The following LRRC3B variants were observed in gnomAD, a reference collection of about 807,000 sequenced individuals.
LRRC3B encodes the protein leucine rich repeat containing 3B, also known as leucine-rich repeat-containing protein 3B.
A neutral mutation model predicts 12.8 loss-of-function variants in LRRC3B; 2 were observed. That is an observed-to-expected ratio of 0.16 (90% CI 0.06 to 0.49). The LOEUF is 0.49. Ranked by LOEUF, LRRC3B falls within the 20% of genes least tolerant of loss-of-function variation. The probability of loss-of-function intolerance (pLI) is 0.96; values close to 1 mark genes in which losing one functional copy is unlikely to be tolerated. For missense variants in LRRC3B, 189 were observed against 319.4 expected (o/e 0.59, Z 3.11); for synonymous variants, 132 against 122.0 (o/e 1.08, Z -0.54).
intron 1 of LRRC3B, among the ~76,000 whole-genome samples, chr3:26,640,154 C>G (rs1001495610): frequency 6.6e-6 from 1 of 152,088 alleles, no homozygotes; most frequent in Non-Finnish European, 1.5e-5. Flanking sequence ...TCCCTTTACT[C>G]TCCCCACTAA....
intron 1 of LRRC3B, among the ~76,000 whole-genome samples, chr3:26,629,364 G>A (rs1265008960): frequency 6.6e-6 from 1 of 152,156 alleles, no homozygotes. Flanking sequence ...ACGTCCTCTG[G>A]CGAGGACAGT....
chr3:26,659,485 T>C (rs1041702653), intron 1 of LRRC3B, among the ~76,000 whole-genome samples: 1 of 152,216 alleles, frequency 6.6e-6, no homozygotes, highest in African/African-American at 2.4e-5. Flanking sequence ...ATATGAAAGT[T>C]TATAAGTGAT....
At chr3:26,658,944 A>G (rs1699434758) in intron 1 of LRRC3B, among the ~76,000 whole-genome samples, 1 of 152,226 alleles carries the variant, frequency 6.6e-6, no homozygotes, top group Non-Finnish European at 1.5e-5. Flanking sequence ...ATCTGCAGAC[A>G]ATTAAGGATC....
intron 1 of LRRC3B, among the ~76,000 whole-genome samples, chr3:26,709,248 G>C (rs1296849540): frequency 6.6e-6 from 1 of 152,150 alleles, no homozygotes; most frequent in Non-Finnish European, 1.5e-5. Context: ...GAGAAATAGG[G>C]AGTATTTGTT....
intron 1 of LRRC3B, among the ~76,000 whole-genome samples, chr3:26,639,850 G>A (rs1277813142): frequency 6.6e-6 from 1 of 152,020 alleles, no homozygotes. Flanking sequence ...ATCCTTTTGT[G>A]TGACCCTTCC....
chr3:26,669,800 C>T (rs1817789), intron 1 of LRRC3B, among the ~76,000 whole-genome samples: 30,272 of 152,100 alleles, frequency 0.2, 3,396 homozygotes, highest in Admixed American at 0.3. Flanking sequence ...CATGTGCTAA[C>T]AGATACCCCT....
chr3:26,638,910 T>G (rs1698960804), intron 1 of LRRC3B, among the ~76,000 whole-genome samples: 1 of 152,146 alleles, frequency 6.6e-6, no homozygotes, highest in South Asian at 2.1e-4. Context: ...TCCTAAGGAT[T>G]TTTTTGGAAG....
chr3:26,685,564 T>C (rs1251652034), intron 1 of LRRC3B, among the ~76,000 whole-genome samples: 1 of 134,162 alleles, frequency 7.5e-6, no homozygotes, highest in East Asian at 2.3e-4. Context: ...TATATTCACA[T>C]ATATTCTTCA....
chr3:26,660,012 C>A (rs1321064834), intron 1 of LRRC3B, among the ~76,000 whole-genome samples: 1 of 152,200 alleles, frequency 6.6e-6, no homozygotes, highest in African/African-American at 2.4e-5. Context: ...TCTGCAAAAA[C>A]CCTCACTTTG....
In LRRC3B at chr3:26,646,598, TAAAAAAAAAAAAAAAAAAAAA is replaced by T. The variant is rs529066996; in HGVS notation, c.-161+23379_-161+23399del. Among the ~76,000 whole-genome samples the T allele has an allele frequency of 2.9e-4, 29 of 99,650 alleles. No homozygotes were observed. In the South Asian group the frequency reaches 3.7e-3, roughly 13 times the overall value. 65.4% of individuals were successfully genotyped at this position (99,650 alleles called of 152,430 possible). A position where few individuals can be genotyped will look rare whatever the true frequency, so the allele number is the denominator to read the frequency against. ...CCCAGAGGCCACTAAGGATAGGAGG[TAAAAAAAAAAAAAAAAAAAAA>T]AAAAAAAAAAAAAAAAACGGATTTT... On this transcript the variant is annotated intron_variant, in intron 1 of 1. Transcript: ENST00000396641.
chr3:26,690,460 G>T (rs3912762), intron 1 of LRRC3B, among the ~76,000 whole-genome samples: 3 of 152,164 alleles, frequency 2.0e-5, no homozygotes, highest in African/African-American at 7.2e-5. Context: ...TGAGCAAGGA[G>T]ACAGGGGAAG....
At chr3:26,688,045 G>A (rs1179785810) in intron 1 of LRRC3B, among the ~76,000 whole-genome samples, 1 of 152,144 alleles carries the variant, frequency 6.6e-6, no homozygotes, top group African/African-American at 2.4e-5. Flanking sequence ...TACATCAGAA[G>A]GAGGCTCAGG....
intron 1 of LRRC3B, among the ~76,000 whole-genome samples, chr3:26,683,284 A>G (rs997857980): frequency 1.3e-5 from 2 of 152,204 alleles, no homozygotes; most frequent in African/African-American, 2.4e-5. Flanking sequence ...TTATAGGACC[A>G]CTTTACTACA....
At chr3:26,657,926 G>C (rs1454278281) in intron 1 of LRRC3B, among the ~76,000 whole-genome samples, 2 of 152,148 alleles carry the variant, frequency 1.3e-5, no homozygotes, top group Non-Finnish European at 2.9e-5. Flanking sequence ...TAAATACCAA[G>C]AGATATAAGA....
At chr3:26,699,592 A>T (rs901756381) in intron 1 of LRRC3B, among the ~76,000 whole-genome samples, 2 of 152,222 alleles carry the variant, frequency 1.3e-5, no homozygotes, top group East Asian at 1.9e-4. Context: ...ATATGTTTTT[A>T]AAAAAATTGT....
chr3:26,651,627 A>G (rs1699266719), intron 1 of LRRC3B, among the ~76,000 whole-genome samples: 1 of 152,108 alleles, frequency 6.6e-6, no homozygotes, highest in African/African-American at 2.4e-5. Context: ...GAATGAATGA[A>G]GTGTAGTAAC....
chr3:26,663,655 C>T (rs919503493), intron 1 of LRRC3B, among the ~76,000 whole-genome samples: 8 of 151,990 alleles, frequency 5.3e-5, no homozygotes, highest in African/African-American at 1.5e-4. Context: ...GGTAAGGGGG[C>T]GATTCTCAGT....
At chr3:26,682,143 G>A (rs923236165) in intron 1 of LRRC3B, among the ~76,000 whole-genome samples, 1 of 152,042 alleles carries the variant, frequency 6.6e-6, no homozygotes, top group Non-Finnish European at 1.5e-5. Context: ...GTTGACCAGG[G>A]GTAACCGAAA....
intron 1 of LRRC3B, among the ~76,000 whole-genome samples, chr3:26,634,339 G>A (rs1035219502): frequency 2.0e-5 from 3 of 152,154 alleles, no homozygotes; most frequent in East Asian, 1.9e-4. Flanking sequence ...ACTCAGTACC[G>A]CCCTACGCAT....
Sources: gnomAD v4.1 joint callset for allele counts (sites outside exome capture counted in the v4.1 genomes callset) on GRCh38, gnomAD v4.1.1 for gene constraint, MANE v1.5 for transcripts, NCBI Gene and HGNC (gene_info 2026-07-23, HGNC 2026-07-21) for gene names.